The following PDE11A variants were observed in gnomAD, a reference collection of about 807,000 sequenced individuals.
The protein encoded by PDE11A is phosphodiesterase 11A.
PDE11A carries 100 observed loss-of-function variants against 100.5 expected under a neutral mutation model. The observed-to-expected ratio is 1.00, with a 90% confidence interval of 0.85 to 1.18. The LOEUF (loss-of-function observed/expected upper bound fraction) is 1.18. Among genes scored for constraint, PDE11A ranks in the 50% most tolerant of loss-of-function variants. The probability of loss-of-function intolerance (pLI) is 0.00; values close to 1 mark genes in which losing one functional copy is unlikely to be tolerated. For synonymous variants in PDE11A, 381 were observed against 420.8 expected (o/e 0.91, Z 1.16); for missense variants, 1,141 against 1,152.6 (o/e 0.99, Z 0.15).
intron 5 of PDE11A, among the ~76,000 whole-genome samples, chr2:177,846,605 A>C: frequency 6.6e-6 from 1 of 152,216 alleles, no homozygotes; most frequent in East Asian, 1.9e-4. Context: ...TTGGGACAGA[A>C]CATGGTAAGA....
intron 9 of PDE11A, among the ~76,000 whole-genome samples, chr2:177,798,321 T>A (rs1276139481): frequency 1.3e-5 from 2 of 152,240 alleles, no homozygotes; most frequent in African/African-American, 2.4e-5. Context: ...TACTTTCATT[T>A]ATCTCTGTCC....
intron 2 of PDE11A, among the ~76,000 whole-genome samples, chr2:177,988,966 T>TA (rs753006747): frequency 1.3e-5 from 2 of 152,202 alleles, no homozygotes. Context: ...TATCTGTACA[T>TA]AAAAAATGTA....
intron 1 of PDE11A, among the ~76,000 whole-genome samples, chr2:178,024,505 T>C (rs2086455001): frequency 6.6e-6 from 1 of 152,216 alleles, no homozygotes. Context: ...TTTTGTTTTA[T>C]TTTGTCTTTT....
chr2:177,926,750 G>GA (rs1559009995), intron 2 of PDE11A: 1 of 151,676 alleles, frequency 6.6e-6, no homozygotes, highest in Non-Finnish European at 1.5e-5. Context: ...ACATTTCCTG[G>GA]TTTTTTTTCC....
intron 2 of PDE11A, among the ~76,000 whole-genome samples, chr2:177,993,218 G>C (rs78884276): frequency 5.9e-4 from 90 of 152,308 alleles, no homozygotes; most frequent in African/African-American, 1.9e-3. Context: ...GTAGGGCTAG[G>C]GGACAGTGGC....
At chr2:177,989,124 T>A (rs2085973623) in intron 2 of PDE11A, among the ~76,000 whole-genome samples, 1 of 152,230 alleles carries the variant, frequency 6.6e-6, no homozygotes, top group African/African-American at 2.4e-5. Context: ...AGCATTCTGT[T>A]AAGTGGCCTT....
At chr2:178,105,285 C>A (rs966081918) in intron 1 of PDE11A, among the ~76,000 whole-genome samples, 1 of 152,058 alleles carries the variant, frequency 6.6e-6, no homozygotes, top group Admixed American at 6.5e-5. Flanking sequence ...GATGGTGAAA[C>A]CCCATCTCTA....
chr2:178,101,313 T>C (rs372625645), intron 2 of PDE11A, among the ~76,000 whole-genome samples: 46 of 152,302 alleles, frequency 3.0e-4, no homozygotes, highest in African/African-American at 9.9e-4. Context: ...ACCCATAGGG[T>C]GACAGCTGGG....
At chr2:177,720,746 A>G (rs1183993025) in intron 12 of PDE11A, among the ~76,000 whole-genome samples, 1 of 152,234 alleles carries the variant, frequency 6.6e-6, no homozygotes, top group Non-Finnish European at 1.5e-5. Flanking sequence ...AGATGAATGC[A>G]ACCAAATATT....
intron 19 of PDE11A, among the ~76,000 whole-genome samples, chr2:177,630,209 C>T (rs1302208631): frequency 2.0e-5 from 3 of 152,066 alleles, no homozygotes; most frequent in African/African-American, 7.2e-5. Flanking sequence ...AGGGTGTGGC[C>T]AGGGGCAGAT....
chr2:177,803,853 A>G (rs1387533633), intron 9 of PDE11A, among the ~76,000 whole-genome samples: 1 of 152,038 alleles, frequency 6.6e-6, no homozygotes. Flanking sequence ...ATCATACTCA[A>G]TGGAGAAAAG....
At chr2:177,699,695 C>G (rs2081169273) in intron 14 of PDE11A, among the ~76,000 whole-genome samples, 1 of 152,174 alleles carries the variant, frequency 6.6e-6, no homozygotes. Flanking sequence ...AACTTCTCTG[C>G]ACCAGAGCTC....
At chr2:177,869,417 CCT>C (rs940220024) in intron 5 of PDE11A, among the ~76,000 whole-genome samples, 14 of 152,232 alleles carry the variant, frequency 9.2e-5, no homozygotes, top group African/African-American at 3.4e-4. Context: ...GACATTTGGC[CCT>C]GTCTATATTT....
chr2:177,801,952 G>A (rs576581278), intron 9 of PDE11A, among the ~76,000 whole-genome samples: 2 of 152,050 alleles, frequency 1.3e-5, no homozygotes, highest in East Asian at 3.9e-4. Context: ...TGAAAATATT[G>A]ACAATACATA....
intron 2 of PDE11A, among the ~76,000 whole-genome samples, chr2:178,008,069 G>GA (rs1416568336): frequency 1.3e-5 from 2 of 151,216 alleles, no homozygotes; most frequent in Admixed American, 6.6e-5. Context: ...GGCAGAAAAG[G>GA]AAAAAAAATG....
At chr2:177,727,161 G>A (rs1327525842) in intron 12 of PDE11A, among the ~76,000 whole-genome samples, 1 of 151,934 alleles carries the variant, frequency 6.6e-6, no homozygotes, top group African/African-American at 2.4e-5. Flanking sequence ...AGGCAAGTAA[G>A]CCCTAAACCT....
chr2:177,875,719 C>T, intron 5 of PDE11A, 140 bp downstream of exon 5: 1 of 696,056 alleles, frequency 1.4e-6, no homozygotes, highest in Admixed American at 2.3e-5. Flanking sequence ...TTAATTTAAG[C>T]CCTGAAATAC....
At chr2:177,855,383 A>T (rs1010751633) in intron 5 of PDE11A, among the ~76,000 whole-genome samples, 7 of 152,106 alleles carry the variant, frequency 4.6e-5, no homozygotes, top group African/African-American at 1.7e-4. Context: ...TGTCAAAATC[A>T]ACTTTTTCAG....
At chr2:177,747,659 T>C (rs1411518361) in intron 10 of PDE11A, among the ~76,000 whole-genome samples, 3 of 152,204 alleles carry the variant, frequency 2.0e-5, no homozygotes, top group African/African-American at 7.2e-5. Flanking sequence ...CCACCCAGGA[T>C]CCAATGCTGA....
Sources: gnomAD v4.1 joint callset for allele counts (sites outside exome capture counted in the v4.1 genomes callset) on GRCh38, gnomAD v4.1.1 for gene constraint, MANE v1.5 for transcripts, NCBI Gene and HGNC (gene_info 2026-07-23, HGNC 2026-07-21) for gene names.